The following UNC13C variants were observed in gnomAD, a reference collection of about 807,000 sequenced individuals.
UNC13C encodes unc-13 homolog C.
In UNC13C, 174 loss-of-function variants were observed where a neutral mutation model predicts 245.4. The observed-to-expected ratio is 0.71, with a 90% confidence interval of 0.63 to 0.80. The LOEUF (loss-of-function observed/expected upper bound fraction) is 0.80, where lower values mean the gene tolerates loss of function less well. Ranked by LOEUF, UNC13C falls within the 30% of genes least tolerant of loss-of-function variation. UNC13C has a pLI of 0.00. For synonymous variants in UNC13C, 992 were observed against 895.1 expected, an observed-to-expected ratio of 1.11 and a Z score of -1.93; for missense variants, 2,829 against 2,602.9, an observed-to-expected ratio of 1.09 and a Z score of -1.89.
intron 2 of UNC13C, among the ~76,000 whole-genome samples, chr15:54,111,549 C>T (rs1425301254): frequency 6.6e-6 from 1 of 152,144 alleles, no homozygotes; most frequent in African/African-American, 2.4e-5. Context: ...CACAGGGCCT[C>T]TCAGAAAACA....
intron 2 of UNC13C, among the ~76,000 whole-genome samples, chr15:54,082,476 T>A (rs1020669864): frequency 2.0e-5 from 3 of 152,196 alleles, no homozygotes; most frequent in Non-Finnish European, 4.4e-5. Context: ...TTTTTTTAAA[T>A]TTTGTCTGAC....
At chr15:54,313,821 C>T (rs1265811973) in intron 13 of UNC13C, among the ~76,000 whole-genome samples, 1 of 151,612 alleles carries the variant, frequency 6.6e-6, no homozygotes, top group African/African-American at 2.4e-5. Flanking sequence ...AAAGATATAT[C>T]TGTAGTCCCA....
At chr15:54,609,735 C>A (rs1480971765) in intron 30 of UNC13C, among the ~76,000 whole-genome samples, 1 of 152,100 alleles carries the variant, frequency 6.6e-6, no homozygotes, top group Admixed American at 6.6e-5. Context: ...ATGTAATTGT[C>A]CAGTCTCATG....
chr15:54,044,593 C>T, intron 2 of UNC13C: 1 of 177,300 alleles, frequency 5.6e-6, no homozygotes, highest in Non-Finnish European at 1.3e-5. Context: ...ACTTTCTCCA[C>T]ATTCTCACCA....
chr15:54,544,447 G>A (rs993861053), intron 26 of UNC13C, among the ~76,000 whole-genome samples: 1 of 152,024 alleles, frequency 6.6e-6, no homozygotes, highest in South Asian at 2.1e-4. Context: ...TTCTGGCCAG[G>A]GCAATGAGGC....
At chr15:54,239,748 C>T (rs893195158) in intron 7 of UNC13C, among the ~76,000 whole-genome samples, 8 of 152,130 alleles carry the variant, frequency 5.3e-5, no homozygotes, top group African/African-American at 1.7e-4. Context: ...CACCATGGCC[C>T]CCACCTCCTT....
chr15:54,280,983 A>G (rs2036981074), intron 10 of UNC13C, among the ~76,000 whole-genome samples: 1 of 151,846 alleles, frequency 6.6e-6, no homozygotes, highest in Admixed American at 6.6e-5. Context: ...TGTTTAGTAG[A>G]GATGAGGATT....
At chr15:54,403,142 C>G (rs1269948566) in intron 18 of UNC13C, among the ~76,000 whole-genome samples, 1 of 152,220 alleles carries the variant, frequency 6.6e-6, no homozygotes, top group Non-Finnish European at 1.5e-5. Context: ...ATTCTGTTGA[C>G]TATTTACCCC....
At chr15:54,619,000 A>T (rs2911846) in intron 30 of UNC13C, among the ~76,000 whole-genome samples, 118,182 of 152,124 alleles carry the variant, frequency 0.78, 46,748 homozygotes, top group African/African-American at 0.94. Context: ...ATGAGTTTTA[A>T]TGTAAAAGTC....
At chr15:54,479,210 C>T (rs1436443987) in intron 19 of UNC13C, among the ~76,000 whole-genome samples, 1 of 151,862 alleles carries the variant, frequency 6.6e-6, no homozygotes, top group African/African-American at 2.4e-5. Context: ...ATGGGGGTCT[C>T]TCTCTCTCTT....
At chr15:54,083,542 T>C (rs1899071262) in intron 2 of UNC13C, among the ~76,000 whole-genome samples, 1 of 152,196 alleles carries the variant, frequency 6.6e-6, no homozygotes, top group Non-Finnish European at 1.5e-5. Context: ...GGAGAACCTC[T>C]GCTGTATCCA....
At chr15:54,422,550 T>C (rs2040669105) in intron 19 of UNC13C, among the ~76,000 whole-genome samples, 1 of 151,986 alleles carries the variant, frequency 6.6e-6, no homozygotes, top group Non-Finnish European at 1.5e-5. Flanking sequence ...CTTTACCTCA[T>C]TCACGTTCCT....
chr15:54,553,877 T>G (rs956201056), intron 28 of UNC13C, among the ~76,000 whole-genome samples: 4 of 151,968 alleles, frequency 2.6e-5, no homozygotes, highest in African/African-American at 9.7e-5. Context: ...GAAAATATTT[T>G]TAATTACTTG....
At chr15:54,330,436 G>C (rs1203639079) in intron 14 of UNC13C, among the ~76,000 whole-genome samples, 1 of 151,950 alleles carries the variant, frequency 6.6e-6, no homozygotes, top group Admixed American at 6.6e-5. Flanking sequence ...AACAATGGAA[G>C]AACGGATATT....
At chr15:54,086,363 G>T (rs1276192517) in intron 2 of UNC13C, among the ~76,000 whole-genome samples, 1 of 152,018 alleles carries the variant, frequency 6.6e-6, no homozygotes, top group African/African-American at 2.4e-5. Context: ...TTTTTCCTTT[G>T]CAAAAGGGAT....
intron 30 of UNC13C, among the ~76,000 whole-genome samples, chr15:54,593,025 ATTTG>A (rs1380216933): frequency 3.3e-5 from 5 of 152,040 alleles, no homozygotes; most frequent in Non-Finnish European, 7.4e-5. Flanking sequence ...CTCTCTCAGC[ATTTG>A]TTTGTCTGAA....
chr15:54,576,920 A>G (rs753539183), intron 30 of UNC13C, among the ~76,000 whole-genome samples: 3 of 152,236 alleles, frequency 2.0e-5, no homozygotes, highest in Admixed American at 6.5e-5. Context: ...TATAGAACAA[A>G]TGAATGCTAT....
At chr15:54,346,827 A>G (rs1310950494) in intron 17 of UNC13C, among the ~76,000 whole-genome samples, 1 of 152,156 alleles carries the variant, frequency 6.6e-6, no homozygotes, top group Non-Finnish European at 1.5e-5. Context: ...CAATCTATAA[A>G]CTGGATAGAT....
chr15:54,013,215 G>T lies in UNC13C; in HGVS notation c.312G>T (p.Lys104Asn), dbSNP rs1338471902. 1 of 1,613,772 alleles carries T rather than the reference G, an allele frequency of 6.2e-7. No individual in the cohort carries two copies. The highest frequency in any genetic ancestry group is 8.5e-7 in the Non-Finnish European group (1 of 1,179,842). The part of the protein sequence containing the change: ...YRVAIANGLQ[K>N]NAKVTNSDNE... ...TAGCTATTGCCAATGGCCTACAAAAGAATGCTAAAGTAACCAACAGTGATA... is the reference window on the plus strand; with the variant it reads ...TAGCTATTGCCAATGGCCTACAAAATAATGCTAAAGTAACCAACAGTGATA... Residue 104 changes from lysine (K) to asparagine (N), a missense_variant, in exon 2 of 33, where the codon AAG (lysine) becomes AAT (asparagine). Coordinates refer to ENST00000260323, the MANE Select transcript of UNC13C (RefSeq NM_001080534.3).
Sources: gnomAD v4.1 joint callset for allele counts (sites outside exome capture counted in the v4.1 genomes callset) on GRCh38, gnomAD v4.1.1 for gene constraint, MANE v1.5 for transcripts, NCBI Gene and HGNC (gene_info 2026-07-23, HGNC 2026-07-21) for gene names.